PCDHGA3: variants seen among roughly 807,000 people sequenced by gnomAD.
PCDHGA3 encodes protocadherin gamma-A3.
In PCDHGA3, 40 loss-of-function variants were observed where a neutral mutation model predicts 58.5. The ratio of observed to expected loss-of-function variants is 0.68; its 90% CI spans 0.53 to 0.89. PCDHGA3 has a LOEUF of 0.89. Among genes scored for constraint, PCDHGA3 ranks in the 40% least tolerant of loss-of-function variants. The pLI is 0.00. For synonymous variants in PCDHGA3, 530 were observed against 525.7 expected, an observed-to-expected ratio of 1.01 and a Z score of -0.11; for missense variants, 1,223 against 1,195.9, an observed-to-expected ratio of 1.02 and a Z score of -0.33.
chr5:141,434,209 A>G (rs946478332), intron 1 of PCDHGA3, among the ~76,000 whole-genome samples: 17 of 152,216 alleles, frequency 1.1e-4, no homozygotes, highest in African/African-American at 4.1e-4. Flanking sequence ...TACTTCTGTC[A>G]GTGTAAACAA....
intron 1 of PCDHGA3, chr5:141,362,279 TGC>T (rs776950363): frequency 7.4e-6 from 12 of 1,614,070 alleles, no homozygotes; most frequent in Non-Finnish European, 9.3e-6. Flanking sequence ...TCCCTGCGCC[TGC>T]GACTCTCTTC....
At chr5:141,370,379 A>G in intron 1 of PCDHGA3, 2 of 1,529,484 alleles carry the variant, frequency 1.3e-6, no homozygotes, top group Non-Finnish European at 1.8e-6. Flanking sequence ...AGAAAGGCAA[A>G]GGCGCAGAGA....
intron 1 of PCDHGA3, chr5:141,423,343 C>T: frequency 6.2e-7 from 1 of 1,614,208 alleles, no homozygotes; most frequent in South Asian, 1.1e-5. Flanking sequence ...CTGCATCTTC[C>T]TGGTCTTTGT....
chr5:141,352,903 G>C (rs1759139944), intron 1 of PCDHGA3, among the ~76,000 whole-genome samples: 1 of 152,138 alleles, frequency 6.6e-6, no homozygotes, highest in South Asian at 2.1e-4. Flanking sequence ...CAGGAGGATC[G>C]CTTGAGCCCG....
intron 1 of PCDHGA3, chr5:141,385,334 C>A: frequency 6.3e-7 from 1 of 1,581,530 alleles, no homozygotes; most frequent in Non-Finnish European, 8.6e-7. Context: ...GTGAGCCCAG[C>A]CCTTCCTTTA....
intron 1 of PCDHGA3, chr5:141,376,535 G>A (rs1194313716): frequency 6.2e-7 from 1 of 1,613,586 alleles, no homozygotes; most frequent in South Asian, 1.1e-5. Context: ...TAAGCGGGAA[G>A]AGTAATCTGA....
intron 1 of PCDHGA3, chr5:141,402,843 G>A (rs1370040306): frequency 5.7e-6 from 8 of 1,399,114 alleles, no homozygotes; most frequent in Non-Finnish European, 6.6e-6. Context: ...GCAAAACTCA[G>A]CCTCTTTCTT....
At position 141,404,149 on chromosome 5, in the gene PCDHGA3, A is replaced by G. The variant is rs758060942; in HGVS notation, c.2424+57692A>G. The G allele has an allele frequency of 3.1e-6, 5 of 1,612,750 alleles. No individual in the cohort carries two copies. In the African/African-American group the frequency reaches 5.3e-5, roughly 17 times the overall value. On this transcript the variant is annotated intron_variant, in intron 1 of 3. Transcript: ENST00000253812. Reference sequence around the variant, plus strand: ...CTTTTACATTAGAAAATTCAGAAGAAGATTATTACAGATTGTTGACGGCCC... The same window carrying G: ...CTTTTACATTAGAAAATTCAGAAGAGGATTATTACAGATTGTTGACGGCCC...
rs762196264 is a variant in PCDHGA3, at chr5:141,364,884, G to A, written c.2424+18427G>A. The stretch of plus-strand genomic sequence containing the variant: ...CACTTCTCTCTGGATGTGGTAAGCG[G>A]AACTGATGGACAAAAGTATCCGGAG... On this transcript the variant is annotated intron_variant, in intron 1 of 3. Transcript: ENST00000253812. 1.9e-6 allele frequency: 3 copies of A among 1,613,884 alleles called. No individual in the cohort carries two copies. The Admixed American group carries it at 5.0e-5, about 27-fold the overall frequency.
chr5:141,351,952 G>A (rs1205013199), intron 1 of PCDHGA3: 1 of 1,613,070 alleles, frequency 6.2e-7, no homozygotes, highest in African/African-American at 1.3e-5. Flanking sequence ...CCGCGCTGGG[G>A]CCTGATGGCT....
chr5:141,366,890 T>G, intron 1 of PCDHGA3: 1 of 1,249,604 alleles, frequency 8.0e-7, no homozygotes, highest in Non-Finnish European at 1.1e-6. Flanking sequence ...TTTTTTTATA[T>G]AATTCATGCT....
chr5:141,401,841 CACTT>C (rs1043132396), intron 1 of PCDHGA3, among the ~76,000 whole-genome samples: 6 of 152,114 alleles, frequency 3.9e-5, no homozygotes, highest in Non-Finnish European at 8.8e-5. Flanking sequence ...CTTATAATAC[CACTT>C]ACTTTTAACC....
At chr5:141,404,593 A>G in intron 1 of PCDHGA3, 1 of 1,614,080 alleles carries the variant, frequency 6.2e-7, no homozygotes, top group Non-Finnish European at 8.5e-7. Context: ...GCAATGTGTC[A>G]TTGAGACTGT....
At chr5:141,482,809 T>C (rs1295469639) in intron 1 of PCDHGA3, among the ~76,000 whole-genome samples, 1 of 152,170 alleles carries the variant, frequency 6.6e-6, no homozygotes, top group Non-Finnish European at 1.5e-5. Flanking sequence ...CGGTGGCTCA[T>C]GCCTGTAATC....
chr5:141,383,369 C>G, intron 1 of PCDHGA3: 1 of 1,613,978 alleles, frequency 6.2e-7, no homozygotes, highest in Non-Finnish European at 8.5e-7. Flanking sequence ...TTAAGCGAGG[C>G]TGGGGATCCA....
intron 1 of PCDHGA3, among the ~76,000 whole-genome samples, chr5:141,452,353 AG>A (rs556616398): frequency 5.9e-5 from 9 of 152,206 alleles, no homozygotes; most frequent in Non-Finnish European, 1.3e-4. Context: ...TTTATCCAAA[AG>A]CCTTGCTTCA....
chr5:141,370,383 G>A (rs1393783313), intron 1 of PCDHGA3: 1 of 1,533,714 alleles, frequency 6.5e-7, no homozygotes, highest in Non-Finnish European at 8.7e-7. Flanking sequence ...AGGCAAAGGC[G>A]CAGAGAGCGG....
chr5:141,375,017 T>TC lies in PCDHGA3; in HGVS notation c.2424+28561dup, dbSNP rs772354381. The TC allele has an allele frequency of 6.2e-6, 10 of 1,614,032 alleles. No individual in the cohort carries two copies. The South Asian group carries it at 1.1e-4, about 18-fold the overall frequency. The stretch of plus-strand genomic sequence containing the variant: ...TTCTGCAAATCTAGACTATGAGGAC[T>TC]CGAGTTTTTATGAGCTGGGTGTTGA... On this transcript the variant is annotated intron_variant, in intron 1 of 3. Transcript: ENST00000253812.
chr5:141,413,453 G>A lies in PCDHGA3; in HGVS notation c.2424+66996G>A, dbSNP rs761986113. 1.9e-5 allele frequency: 31 copies of A among 1,613,986 alleles called. 2 individuals carry two copies. In the South Asian group the frequency reaches 3.1e-4, roughly 16 times the overall value. On this transcript the variant is annotated intron_variant, in intron 1 of 3. Coordinates refer to ENST00000253812, the MANE Select transcript of PCDHGA3 (RefSeq NM_018916.4). ...AGCGGCAGCTTGATCACCGCGGGCA[G>A]GATAGACCGGGAGGAGCTCTGCGCT...
Sources: gnomAD v4.1 joint callset for allele counts (sites outside exome capture counted in the v4.1 genomes callset) on GRCh38, gnomAD v4.1.1 for gene constraint, MANE v1.5 for transcripts, NCBI Gene and HGNC (gene_info 2026-07-23, HGNC 2026-07-21) for gene names.